Variants in COL14A1 observed in about 807,000 individuals in gnomAD.
COL14A1 encodes the protein collagen type XIV alpha 1 chain, also known as collagen alpha-1(XIV) chain.
A neutral mutation model predicts 230.3 loss-of-function variants in COL14A1; 136 were observed. The observed-to-expected ratio is 0.59, with a 90% CI of 0.51 to 0.68. COL14A1 has a LOEUF of 0.68. Ranked by LOEUF, COL14A1 falls within the 30% of genes least tolerant of loss-of-function variation. The pLI is 0.00. For synonymous variants in COL14A1, 792 were observed against 784.1 expected, an observed-to-expected ratio of 1.01 and a Z score of -0.17; for missense variants, 1,976 against 2,215.8, an observed-to-expected ratio of 0.89 and a Z score of 2.17.
intron 27 of COL14A1, 40 bp from the exon 28 acceptor site, chr8:120,278,395 G>T: frequency 1.3e-6 from 2 of 1,587,620 alleles, no homozygotes; most frequent in Non-Finnish European, 8.6e-7. Flanking sequence ...AACAAAAATG[G>T]GAGGGAGTGA....
Position 120,283,715 on chromosome 8 carries a change from C to A in COL14A1, c.3904C>A (p.Pro1302Thr), listed in dbSNP as rs1820109959. ...FRILPDTPQEPFALWEILNKN... is the reference protein window; with the variant it reads ...FRILPDTPQETFALWEILNKN... ...GATTCTTCCTGACACTCCACAGGAG[C>A]CATTTGCTCTTTGGGAGATTTTAAA... The change falls in exon 32 of 48, where the codon CCA becomes ACA. Residue 1302 changes from proline to threonine, a missense_variant. Coordinates refer to ENST00000297848, the MANE Select transcript of COL14A1 (RefSeq NM_021110.4). 1 of 1,613,542 alleles carries A rather than the reference C, an allele frequency of 6.2e-7. No individual in the cohort carries two copies. The highest frequency in any genetic ancestry group is 1.7e-5 in the Admixed American group (1 of 59,912).
intron 34 of COL14A1, among the ~76,000 whole-genome samples, chr8:120,292,751 T>G (rs187514556): frequency 1.3e-5 from 2 of 152,232 alleles, no homozygotes; most frequent in Admixed American, 6.5e-5. Flanking sequence ...TAGGTCTCCA[T>G]TCCCTGCCAA....
intron 36 of COL14A1, among the ~76,000 whole-genome samples, chr8:120,301,470 C>G (rs910755791): frequency 6.6e-6 from 1 of 152,040 alleles, no homozygotes; most frequent in South Asian, 2.1e-4. Context: ...TTTTCTGTTT[C>G]TGTGTTAGTT....
chr8:120,166,932 A>G (rs562222950), intron 4 of COL14A1, among the ~76,000 whole-genome samples: 65 of 112,764 alleles, frequency 5.8e-4, no homozygotes, highest in Middle Eastern at 4.9e-3. Flanking sequence ...GGTGGTGATG[A>G]TGGTGGTGGT....
Position 120,231,610 on chromosome 8 carries a change from A to T in COL14A1, c.2341A>T (p.Ile781Leu). The T allele has an allele frequency of 1.9e-6, 3 of 1,613,630 alleles. No individual in the cohort carries two copies. The highest frequency in any genetic ancestry group is 2.5e-6 in the Non-Finnish European group (3 of 1,179,814). Residue 781 changes from isoleucine to leucine, a missense_variant, in exon 19 of 48, where the codon ATA (isoleucine) becomes TTA (leucine). Ile to Leu is a conservative substitution (Grantham distance 5, BLOSUM62 2). Transcript: ENST00000297848. ...TCAAGGGGACCCTGAGGAAGAAGTC[A>T]TAGGAACGGTCTGTATAAATTCAAC... ...TAQGDPEEEV[I>L]GTVMVPGSQN...
chr8:120,191,597 C>A (rs952686279), intron 5 of COL14A1, among the ~76,000 whole-genome samples: 2 of 152,032 alleles, frequency 1.3e-5, no homozygotes, highest in East Asian at 3.9e-4. Flanking sequence ...TCCTGGGTAT[C>A]CTTGTGAACT....
chr8:120,316,586 TA>T (rs897159666), intron 40 of COL14A1, among the ~76,000 whole-genome samples: 3 of 152,040 alleles, frequency 2.0e-5, no homozygotes, highest in Non-Finnish European at 4.4e-5. Flanking sequence ...TGGGAAGAAA[TA>T]TAACTAAATA....
chr8:120,215,322 G>C (rs1326227506), intron 13 of COL14A1, among the ~76,000 whole-genome samples: 4 of 151,976 alleles, frequency 2.6e-5, no homozygotes, highest in Non-Finnish European at 5.9e-5. Flanking sequence ...AGTAAGCTGA[G>C]ATCCTTCCAC....
intron 45 of COL14A1, among the ~76,000 whole-genome samples, chr8:120,366,614 G>T (rs1379408981): frequency 6.6e-6 from 1 of 152,206 alleles, no homozygotes; most frequent in Non-Finnish European, 1.5e-5. Context: ...TAAGAGGTCT[G>T]CTCCATGGAA....
chr8:120,202,601 G>A (rs941280955), intron 8 of COL14A1, among the ~76,000 whole-genome samples: 7 of 152,040 alleles, frequency 4.6e-5, no homozygotes, highest in Non-Finnish European at 1.0e-4. Flanking sequence ...GTTGGTAAAT[G>A]TTTACTCATT....
At chr8:120,314,962 A>G (rs1469707162) in intron 38 of COL14A1, among the ~76,000 whole-genome samples, 2 of 152,254 alleles carry the variant, frequency 1.3e-5, no homozygotes, top group South Asian at 4.1e-4. Flanking sequence ...TGTATTTACA[A>G]TATTGGCCTT....
chr8:120,333,615 T>C (rs944513675), intron 42 of COL14A1, among the ~76,000 whole-genome samples: 33 of 152,240 alleles, frequency 2.2e-4, no homozygotes, highest in Admixed American at 2.2e-3. Context: ...ACTTAACAAA[T>C]TGCCACAATC....
In COL14A1 at chr8:120,216,405, C is replaced by T; in HGVS notation, c.1652C>T (p.Ala551Val). The change falls in exon 14 of 48, where the codon GCT becomes GTT. Residue 551 changes from alanine to valine, a missense_variant. By Grantham distance (64) the Ala-to-Val change is moderately conservative (BLOSUM62 0). This residue lies in a region of COL14A1 where 1,791 missense variants were observed against 2,019.5 expected (regional missense o/e 0.89). Transcript: ENST00000297848. ...ATCTCCAATGTTGGCTCTAACAGTG[C>T]TCGATTAACCTGGGACCCAACTTCA... ...LRISNVGSNS[A>V]RLTWDPTSRQ... The T allele has an allele frequency of 6.2e-7, 1 of 1,613,682 alleles. No individual in the cohort carries two copies. The highest frequency in any genetic ancestry group is 2.2e-5 in the East Asian group (1 of 44,850).
chr8:120,235,728 T>C (rs1818423671), intron 19 of COL14A1, among the ~76,000 whole-genome samples: 1 of 152,204 alleles, frequency 6.6e-6, no homozygotes, highest in African/African-American at 2.4e-5. Flanking sequence ...ATTTTGGATC[T>C]TTCCAGCTTT....
chr8:120,184,682 G>T (rs1816589971), intron 5 of COL14A1, among the ~76,000 whole-genome samples: 2 of 152,156 alleles, frequency 1.3e-5, no homozygotes, highest in Admixed American at 1.3e-4. Flanking sequence ...TGGCCTGAGA[G>T]CCAGGAGAGC....
At chr8:120,308,378 G>A (rs928966364) in intron 36 of COL14A1, among the ~76,000 whole-genome samples, 4 of 152,186 alleles carry the variant, frequency 2.6e-5, no homozygotes, top group Non-Finnish European at 4.4e-5. Flanking sequence ...CATATCCAAG[G>A]TTCAGACAAC....
chr8:120,194,030 G>A (rs1055552160), intron 5 of COL14A1, among the ~76,000 whole-genome samples: 17 of 152,248 alleles, frequency 1.1e-4, no homozygotes, highest in South Asian at 4.2e-4. Flanking sequence ...GCCCTGCTTC[G>A]GCTCGCGCAC....
chr8:120,268,583 T>G (rs1182538696), intron 25 of COL14A1, among the ~76,000 whole-genome samples: 1 of 151,722 alleles, frequency 6.6e-6, no homozygotes, highest in Non-Finnish European at 1.5e-5. Flanking sequence ...TTTTGCAACT[T>G]GAATGCACTG....
chr8:120,197,788 C>T (rs750171202), intron 6 of COL14A1, 23 bp from the exon 7 acceptor site: 24 of 1,590,074 alleles, frequency 1.5e-5, no homozygotes, highest in African/African-American at 1.2e-4. Context: ...ATTCCTGGTG[C>T]GTTTCCTAAT....
Sources: gnomAD v4.1 joint callset for allele counts (sites outside exome capture counted in the v4.1 genomes callset) on GRCh38, gnomAD v4.1.1 for gene constraint, gnomAD v4.1.1 regional missense constraint, MANE v1.5 for transcripts, NCBI Gene and HGNC (gene_info 2026-07-23, HGNC 2026-07-21) for gene names.